Variants in IGF2BP2 observed in about 807,000 individuals in gnomAD.
IGF2BP2 encodes insulin-like growth factor 2 mRNA-binding protein 2.
In IGF2BP2, 17 loss-of-function variants were observed where a neutral mutation model predicts 75.8. The observed-to-expected ratio is 0.22, with a 90% CI of 0.15 to 0.34. The LOEUF is 0.34. IGF2BP2 is among the 10% of genes least tolerant of loss of function. The pLI is 1.00. For synonymous variants in IGF2BP2, 288 were observed against 295.6 expected (o/e 0.97, Z 0.26); for missense variants, 516 against 772.4 (o/e 0.67, Z 3.93).
At chr3:185,770,026 C>T (rs1326923646) in intron 2 of IGF2BP2, among the ~76,000 whole-genome samples, 2 of 152,062 alleles carry the variant, frequency 1.3e-5, no homozygotes, top group Non-Finnish European at 2.9e-5. Context: ...AGTTCGGCCC[C>T]TGGGGACCAG....
intron 2 of IGF2BP2, among the ~76,000 whole-genome samples, chr3:185,735,677 C>T (rs186868711): frequency 2.0e-5 from 3 of 152,096 alleles, no homozygotes; most frequent in African/African-American, 7.2e-5. Context: ...GCTCCTTACC[C>T]CAGGAACCTG....
intron 2 of IGF2BP2, among the ~76,000 whole-genome samples, chr3:185,740,698 A>G (rs1457030268): frequency 6.6e-6 from 1 of 152,148 alleles, no homozygotes; most frequent in Admixed American, 6.5e-5. Context: ...GCTCAGAACC[A>G]TAGGTGTCTT....
At chr3:185,786,819 T>C (rs1001994077) in intron 2 of IGF2BP2, among the ~76,000 whole-genome samples, 2 of 152,208 alleles carry the variant, frequency 1.3e-5, no homozygotes, top group African/African-American at 2.4e-5. Context: ...CAAAAAAGAT[T>C]AGATCTACAG....
rs184584477 is a variant in IGF2BP2 at position 185,738,846 on chromosome 3, T to C, written c.240-40499A>G. Among the ~76,000 whole-genome samples the C allele has an allele frequency of 1.9e-3, 293 of 152,316 alleles. 4 individuals carry two copies. The highest frequency in any genetic ancestry group is 7.0e-3 in the African/African-American group (291 of 41,580). ...TAAATACAAACTTTAAAACTTAGATTGTCAAGCTTGAAGAGGACCTTTAAT... is the reference window on the plus strand; with the variant it reads ...TAAATACAAACTTTAAAACTTAGATCGTCAAGCTTGAAGAGGACCTTTAAT... On this transcript the variant is annotated intron_variant, in intron 2 of 15. Coordinates refer to ENST00000382199, the MANE Select transcript of IGF2BP2 (RefSeq NM_006548.6).
At chr3:185,765,196 C>G (rs1249893145) in intron 2 of IGF2BP2, among the ~76,000 whole-genome samples, 1 of 152,152 alleles carries the variant, frequency 6.6e-6, no homozygotes. Flanking sequence ...AAAGCTCTGG[C>G]GTGTTTTAAC....
intron 10 of IGF2BP2, 145 bp downstream of exon 10, chr3:185,672,396 G>T: frequency 1.3e-6 from 1 of 761,028 alleles, no homozygotes; most frequent in Non-Finnish European, 2.0e-6. Context: ...CCTAAGAAAT[G>T]TTGAGTTCAA....
intron 6 of IGF2BP2, 100 bp downstream of exon 6, chr3:185,689,255 C>A (rs1049725792): frequency 3.3e-6 from 4 of 1,229,780 alleles, no homozygotes; most frequent in African/African-American, 1.5e-5. Flanking sequence ...CACAGCCCCC[C>A]ACTGCTGATG....
intron 2 of IGF2BP2, among the ~76,000 whole-genome samples, chr3:185,813,433 AT>A (rs1740174595): frequency 1.3e-5 from 2 of 152,294 alleles, no homozygotes; most frequent in South Asian, 4.1e-4. Flanking sequence ...TAGTTTACAA[AT>A]TCAGTGTCCA....
At position 185,795,845 on chromosome 3, in the gene IGF2BP2, C is replaced by T. The variant is rs190272513; in HGVS notation, c.239+27308G>A. On this transcript the variant is annotated intron_variant, in intron 2 of 15. Coordinates refer to ENST00000382199, the MANE Select transcript of IGF2BP2 (RefSeq NM_006548.6). ...AGGGTGCAGTGAGATGAGACCACAC[C>T]ACTACACTCCAGGCTGGGCAACAGA... Among the ~76,000 whole-genome samples the T allele has an allele frequency of 2.9e-3, 440 of 151,922 alleles. 2 individuals carry two copies. The highest frequency in any genetic ancestry group is 4.7e-3 in the Admixed American group (72 of 15,268).
At chr3:185,817,978 A>G (rs2150049025) in intron 2 of IGF2BP2, among the ~76,000 whole-genome samples, 1 of 152,294 alleles carries the variant, frequency 6.6e-6, no homozygotes, top group Admixed American at 6.5e-5. Flanking sequence ...CAAGCCCACT[A>G]ATTTCTAACA....
At chr3:185,775,127 T>G (rs1343307736) in intron 2 of IGF2BP2, among the ~76,000 whole-genome samples, 1 of 152,248 alleles carries the variant, frequency 6.6e-6, no homozygotes, top group Non-Finnish European at 1.5e-5. Flanking sequence ...TTTCTTTATT[T>G]GTAAAAGAAT....
chr3:185,677,068 T>TATATAGAGAGAGAGAGAGAGAGAGAG, intron 7 of IGF2BP2, among the ~76,000 whole-genome samples: 2 of 35,862 alleles, frequency 5.6e-5, no homozygotes, highest in African/African-American at 1.6e-4. Flanking sequence ...TATATATATA[T>TATATAGAGAGAGAGAGAGAGAGAGAG]AGAGAGAGAG....
At chr3:185,748,348 T>TACTA (rs1480129843) in intron 2 of IGF2BP2, among the ~76,000 whole-genome samples, 1 of 152,212 alleles carries the variant, frequency 6.6e-6, no homozygotes, top group Non-Finnish European at 1.5e-5. Flanking sequence ...AGTGAACAAG[T>TACTA]ACTACTGTGT....
rs777556880 is a variant in IGF2BP2 at position 185,716,773 on chromosome 3, T to A, written c.240-18426A>T. ...AATGGAAGTGGGAGGACATCCTTCA[T>A]TTCCAGGTCATGCCTGGTTAACATT... On this transcript the variant is annotated intron_variant, in intron 2 of 15. Coordinates refer to ENST00000382199, the MANE Select transcript of IGF2BP2 (RefSeq NM_006548.6). The A allele has an allele frequency of 1.5e-5, 8 of 519,568 alleles. No homozygotes were observed. In the Admixed American group the frequency reaches 1.6e-4, roughly 10 times the overall value. The allele number at this position is 519,568 out of a possible 1,614,324, so 32.2% of individuals were successfully genotyped here. A position where few individuals can be genotyped will look rare whatever the true frequency, so the allele number is the denominator to read the frequency against.
rs906739576 is a variant in IGF2BP2, at chr3:185,644,341, A to G, written c.*1190T>C. 5.3e-5 allele frequency: 8 copies of G among 152,330 alleles called. No homozygotes were observed. The highest frequency in any genetic ancestry group is 1.7e-4 in the African/African-American group (7 of 41,336). 9.4% of individuals were successfully genotyped at this position (152,330 alleles called of 1,614,324 possible). A position where few individuals can be genotyped will look rare whatever the true frequency, so the allele number is the denominator to read the frequency against. On this transcript the variant is annotated 3_prime_UTR_variant, in exon 16 of 16. Coordinates refer to ENST00000382199, the MANE Select transcript of IGF2BP2 (RefSeq NM_006548.6). Reference sequence around the variant, plus strand: ...TTTTTTTTTTTTAAAGAAAGGAATCATTTTGCTGAATATTGATGGCTTATA... The same window carrying G: ...TTTTTTTTTTTTAAAGAAAGGAATCGTTTTGCTGAATATTGATGGCTTATA...
chr3:185,689,173 A>C (rs1323520858), intron 6 of IGF2BP2, 182 bp downstream of exon 6: 2 of 631,496 alleles, frequency 3.2e-6, no homozygotes, highest in Non-Finnish European at 5.4e-6. Context: ...TCAGCATGAA[A>C]GCTTGTCACA....
chr3:185,663,772 A>G (rs1007017684), intron 10 of IGF2BP2, among the ~76,000 whole-genome samples: 2 of 152,036 alleles, frequency 1.3e-5, no homozygotes, highest in South Asian at 2.1e-4. Flanking sequence ...TCTTCTACTA[A>G]TTTTGCTGTT....
chr3:185,648,258 A>C (rs1014270660), intron 14 of IGF2BP2, among the ~76,000 whole-genome samples: 1 of 152,058 alleles, frequency 6.6e-6, no homozygotes, highest in African/African-American at 2.4e-5. Context: ...GGAGTTCGAG[A>C]CCAGCCTGAC....
At chr3:185,714,683 C>G (rs1475691244) in intron 2 of IGF2BP2, among the ~76,000 whole-genome samples, 1 of 152,142 alleles carries the variant, frequency 6.6e-6, no homozygotes, top group African/African-American at 2.4e-5. Context: ...TGCAGTGGCT[C>G]ACACCTCTAA....
Sources: allele counts gnomAD v4.1 joint callset (sites outside exome capture counted in the v4.1 genomes callset), GRCh38; gene constraint gnomAD v4.1.1; transcripts MANE v1.5; gene names NCBI Gene and HGNC (gene_info 2026-07-23, HGNC 2026-07-21).